GRHL2: variants seen among roughly 807,000 people sequenced by gnomAD.
The protein encoded by GRHL2 is grainyhead-like protein 2 homolog.
A neutral mutation model predicts 83.8 loss-of-function variants in GRHL2; 21 were observed. The observed-to-expected ratio is 0.25, with a 90% CI of 0.18 to 0.36. The LOEUF (loss-of-function observed/expected upper bound fraction) is 0.36, where lower values mean the gene tolerates loss of function less well. Ranked by LOEUF, GRHL2 falls within the 10% of genes least tolerant of loss-of-function variation. GRHL2 has a pLI of 1.00. For synonymous variants in GRHL2, 280 were observed against 278.9 expected (o/e 1.00, Z -0.04); for missense variants, 623 against 781.8 (o/e 0.80, Z 2.42).
chr8:101,526,388 T>G (rs929658755), intron 1 of GRHL2, among the ~76,000 whole-genome samples: 3 of 152,350 alleles, frequency 2.0e-5, no homozygotes, highest in East Asian at 1.9e-4. Flanking sequence ...TTGACTGAGT[T>G]ATTTGGATTT....
intron 14 of GRHL2, among the ~76,000 whole-genome samples, chr8:101,655,270 G>A (rs11776907): frequency 0.57 from 86,725 of 152,044 alleles, 27,579 homozygotes; most frequent in Non-Finnish European, 0.72. Flanking sequence ...CATGAGAGGA[G>A]AGGGTAGACT....
At chr8:101,636,517 A>G (rs549829795) in intron 11 of GRHL2, among the ~76,000 whole-genome samples, 1 of 152,314 alleles carries the variant, frequency 6.6e-6, no homozygotes, top group East Asian at 1.9e-4. Context: ...CCCACCCTGC[A>G]AAGCCAGAGC....
In GRHL2 at chr8:101,667,112, T is replaced by G; in HGVS notation, c.*409T>G. 3.7e-6 allele frequency: 1 copy of G among 273,760 alleles called. No homozygotes were observed. Among genetic ancestry groups the G allele is most frequent in the Non-Finnish European group, 7.2e-6 (1 of 138,982 alleles). The allele number at this position is 273,760 out of a possible 1,614,324, so 17.0% of individuals were successfully genotyped here. On this transcript the variant is annotated 3_prime_UTR_variant, in exon 16 of 16. Coordinates refer to ENST00000646743, the MANE Select transcript of GRHL2 (RefSeq NM_024915.4). ...CCCTTCTCTCTCACCCCTCCATATC[T>G]ATCTCCCGAGTGGCTGGACAAAATG...
chr8:101,508,723 A>G (rs979870626), intron 1 of GRHL2, among the ~76,000 whole-genome samples: 2 of 152,176 alleles, frequency 1.3e-5, no homozygotes, highest in African/African-American at 4.8e-5. Context: ...GGATGAATAC[A>G]TCCAAACGAC....
At chr8:101,578,561 C>G (rs1811981203) in intron 7 of GRHL2, among the ~76,000 whole-genome samples, 1 of 152,174 alleles carries the variant, frequency 6.6e-6, no homozygotes, top group South Asian at 2.1e-4. Context: ...TAAAAACAGA[C>G]AGTAATGTAT....
At chr8:101,555,042 G>A (rs1263226773) in intron 3 of GRHL2, among the ~76,000 whole-genome samples, 3 of 152,114 alleles carry the variant, frequency 2.0e-5, no homozygotes, top group African/African-American at 4.8e-5. Context: ...TGTTTATTAG[G>A]ACACCAAATC....
At chr8:101,656,721 A>T (rs554916772) in intron 14 of GRHL2, among the ~76,000 whole-genome samples, 1 of 152,260 alleles carries the variant, frequency 6.6e-6, no homozygotes, top group Non-Finnish European at 1.5e-5. Context: ...TATTATGAGG[A>T]TAATAAAATG....
At chr8:101,543,494 T>G in intron 2 of GRHL2, 58 bp downstream of exon 2, 2 of 1,500,608 alleles carry the variant, frequency 1.3e-6, no homozygotes, top group East Asian at 4.5e-5. Flanking sequence ...CCTTTGCTGG[T>G]GGGAAGAAGG....
At chr8:101,674,780 C>G in the GRHL2 span, among the ~76,000 whole-genome samples, 11 of 152,106 alleles carry the variant, frequency 7.2e-5, no homozygotes, top group Admixed American at 3.3e-4. Context: ...GACCAATATC[C>G]TTGATGAACA....
intron 1 of GRHL2, among the ~76,000 whole-genome samples, chr8:101,537,536 T>C (rs1042633301): frequency 2.0e-5 from 3 of 152,234 alleles, no homozygotes; most frequent in Non-Finnish European, 4.4e-5. Flanking sequence ...ATTAGTTCTA[T>C]GGAGCGTACT....
At chr8:101,505,236 A>C (rs879555223) in intron 1 of GRHL2, among the ~76,000 whole-genome samples, 1 of 152,044 alleles carries the variant, frequency 6.6e-6, no homozygotes. Context: ...CAAACCTCAA[A>C]TACTATATCT....
intron 9 of GRHL2, among the ~76,000 whole-genome samples, chr8:101,620,465 A>G (rs1309071934): frequency 1.3e-5 from 2 of 152,174 alleles, no homozygotes; most frequent in Non-Finnish European, 2.9e-5. Context: ...GACTTTTTGG[A>G]ATGGAAATAG....
intron 14 of GRHL2, among the ~76,000 whole-genome samples, chr8:101,656,842 G>T (rs1432550110): frequency 6.9e-6 from 1 of 145,892 alleles, no homozygotes; most frequent in African/African-American, 2.6e-5. Context: ...GTCTGTCTGT[G>T]TGTCTGTTAG....
chr8:101,526,526 T>A (rs1374593439), intron 1 of GRHL2, among the ~76,000 whole-genome samples: 2 of 30,650 alleles, frequency 6.5e-5, no homozygotes, highest in East Asian at 3.1e-3. Flanking sequence ...CTTTTTTTCC[T>A]TTTTTTTTTT....
intron 1 of GRHL2, among the ~76,000 whole-genome samples, chr8:101,498,621 C>T (rs915408064): frequency 5.9e-5 from 9 of 152,230 alleles, no homozygotes; most frequent in South Asian, 2.1e-4. Flanking sequence ...TGGCCTACAG[C>T]GAGGGTCTGT....
At chr8:101,577,644 G>T in intron 7 of GRHL2, 125 bp downstream of exon 7, 2 of 720,532 alleles carry the variant, frequency 2.8e-6, no homozygotes, top group East Asian at 2.7e-5. Context: ...CCCGGCACTA[G>T]TCTATGTCAG....
chr8:101,584,425 T>C (rs1162708898), intron 7 of GRHL2, among the ~76,000 whole-genome samples: 4 of 152,170 alleles, frequency 2.6e-5, no homozygotes, highest in South Asian at 2.1e-4. Context: ...ATAGTTCTCT[T>C]TGAGGGCAAA....
intron 7 of GRHL2, among the ~76,000 whole-genome samples, chr8:101,589,994 T>C (rs564390472): frequency 6.6e-6 from 1 of 152,300 alleles, no homozygotes; most frequent in Non-Finnish European, 1.5e-5. Flanking sequence ...TGCTTGCCTG[T>C]TTCCTATTCT....
chr8:101,603,341 AC>A (rs1323072958), intron 8 of GRHL2, among the ~76,000 whole-genome samples: 4 of 147,522 alleles, frequency 2.7e-5, no homozygotes, highest in Admixed American at 6.6e-5. Context: ...TATTTAAAAA[AC>A]AAAAAACAAA....
Sources: allele counts gnomAD v4.1 joint callset (sites outside exome capture counted in the v4.1 genomes callset), GRCh38; gene constraint gnomAD v4.1.1; transcripts MANE v1.5; gene names NCBI Gene and HGNC (gene_info 2026-07-23, HGNC 2026-07-21).